Variants in UBAP2L observed in about 807,000 individuals in gnomAD.
UBAP2L encodes the protein ubiquitin-associated protein 2-like.
UBAP2L carries 12 observed loss-of-function variants against 130.6 expected under a neutral mutation model. The observed-to-expected ratio is 0.09, with a 90% CI of 0.06 to 0.15. UBAP2L has a LOEUF of 0.15. Ranked by LOEUF, UBAP2L falls within the 10% of genes least tolerant of loss-of-function variation. The pLI is 1.00. For missense variants in UBAP2L, 965 were observed against 1,332.5 expected (o/e 0.72, Z 4.29); for synonymous variants, 503 against 524.7 (o/e 0.96, Z 0.57).
chr1:154,264,376 G>T (rs1429469267), intron 24 of UBAP2L, among the ~76,000 whole-genome samples: 2 of 152,178 alleles, frequency 1.3e-5, no homozygotes, highest in East Asian at 3.8e-4. Flanking sequence ...TTGGGGATAA[G>T]TAGGGGGTGT....
intron 22 of UBAP2L, 102 bp from the exon 23 acceptor site, chr1:154,260,780 ACTTTAATAGT>A: frequency 9.7e-7 from 1 of 1,032,750 alleles, no homozygotes; most frequent in South Asian, 1.6e-5. Context: ...AAGGAATTGA[ACTTTAATAGT>A]CTTTGAACAG....
chr1:154,258,336 C>T (rs976342530), intron 20 of UBAP2L, among the ~76,000 whole-genome samples: 3 of 152,104 alleles, frequency 2.0e-5, no homozygotes, highest in African/African-American at 7.2e-5. Context: ...GCTGGTCTGG[C>T]CTGGTTAGAG....
At chr1:154,270,052 T>C (rs971363337) in intron 26 of UBAP2L, 148 bp from the exon 27 acceptor site, 1 of 948,960 alleles carries the variant, frequency 1.1e-6, no homozygotes, top group Non-Finnish European at 1.5e-6. Flanking sequence ...CTTTAGCAGC[T>C]ATGCAGACCA....
At chr1:154,226,465 C>T (rs1030939460) in intron 2 of UBAP2L, among the ~76,000 whole-genome samples, 1 of 152,098 alleles carries the variant, frequency 6.6e-6, no homozygotes, top group African/African-American at 2.4e-5. Flanking sequence ...TTAGGACATC[C>T]CCCTTACGCA....
intron 4 of UBAP2L, among the ~76,000 whole-genome samples, chr1:154,229,796 T>G (rs1375053526): frequency 6.6e-6 from 1 of 152,210 alleles, no homozygotes; most frequent in Non-Finnish European, 1.5e-5. Flanking sequence ...TTTCATTTAT[T>G]GGGTCTTATA....
At chr1:154,259,866 T>A in intron 21 of UBAP2L, 82 bp from the exon 22 acceptor site, 3 of 1,408,094 alleles carry the variant, frequency 2.1e-6, no homozygotes, top group Non-Finnish European at 2.0e-6. Flanking sequence ...CACATTCTTC[T>A]GTTTTTTCCT....
At position 154,255,232 on chromosome 1, in the gene UBAP2L, T is replaced by C. The variant is rs1368792288; in HGVS notation, c.1990T>C (p.Ser664Pro). The change falls in exon 17 of 27, where the codon TCC becomes CCC. Residue 664 changes from serine to proline, a missense_variant. By Grantham distance (74) the Ser-to-Pro change is moderately conservative. Transcript: ENST00000428931. ...TCTCAATGAAACGGTATCTGCAGCT[T>C]CCTTACTGACGACAACCAATCAGCA... is the stretch of plus-strand genomic sequence containing the variant. ...PPLNETVSAASLLTTTNQHSS... is the reference protein window; with the variant it reads ...PPLNETVSAAPLLTTTNQHSS... 1 of 1,614,212 alleles carries C rather than the reference T, an allele frequency of 6.2e-7. No homozygotes were observed.
intron 16 of UBAP2L, 59 bp downstream of exon 16, chr1:154,254,949 G>A (rs1465315219): frequency 2.6e-6 from 4 of 1,559,996 alleles, no homozygotes; most frequent in Non-Finnish European, 3.5e-6. Context: ...TTAAAATGGT[G>A]ATAATCCATT....
Position 154,228,601 on chromosome 1 carries a change from T to C in UBAP2L, c.169-14T>C, listed in dbSNP as rs765153432. The C allele has an allele frequency of 3.1e-6, 5 of 1,606,228 alleles. No homozygotes were observed. The highest frequency in any genetic ancestry group is 3.4e-6 in the Non-Finnish European group (4 of 1,173,314). ...TAAGCCTGTTCATGATGGTTGCTGT[T>C]TTTTCTCTTTCAGTTGATTGATATT... On this transcript the variant is annotated splice_polypyrimidine_tract_variant and intron_variant, in intron 3 of 26. Coordinates refer to ENST00000428931, the MANE Select transcript of UBAP2L (RefSeq NM_014847.4).
chr1:154,246,399 C>G (rs766997752), intron 11 of UBAP2L, 24 bp downstream of exon 11: 1 of 1,595,534 alleles, frequency 6.3e-7, no homozygotes, highest in East Asian at 2.2e-5. Flanking sequence ...GTGGTTTATC[C>G]TAATCAAACC....
chr1:154,252,728 T>C (rs1678182697), intron 14 of UBAP2L, among the ~76,000 whole-genome samples: 1 of 151,614 alleles, frequency 6.6e-6, no homozygotes, highest in African/African-American at 2.4e-5. Flanking sequence ...CCCAGCTAAT[T>C]TTGTATTTTT....
intron 4 of UBAP2L, among the ~76,000 whole-genome samples, chr1:154,230,727 T>A (rs1054495558): frequency 6.6e-6 from 1 of 152,264 alleles, no homozygotes; most frequent in Non-Finnish European, 1.5e-5. Flanking sequence ...TATAGGTTTA[T>A]GTTACGAATA....
intron 26 of UBAP2L, chr1:154,269,200 T>G: frequency 1.2e-6 from 1 of 816,162 alleles, no homozygotes; most frequent in South Asian, 1.7e-5. Flanking sequence ...CTTCTCCTCC[T>G]GTGCCACAGT....
At chr1:154,243,055 T>C (rs1384716295) in intron 9 of UBAP2L, 162 bp from the exon 10 acceptor site, 1 of 582,346 alleles carries the variant, frequency 1.7e-6, no homozygotes. Flanking sequence ...TGAGCATATA[T>C]TGAAGGGCTT....
intron 11 of UBAP2L, among the ~76,000 whole-genome samples, chr1:154,246,775 A>G (rs1675659338): frequency 6.6e-6 from 1 of 152,144 alleles, no homozygotes; most frequent in Non-Finnish European, 1.5e-5. Flanking sequence ...TTGTATATTT[A>G]CTTAAACCAG....
intron 14 of UBAP2L, 130 bp from the exon 15 acceptor site, chr1:154,253,770 T>C: frequency 1.1e-6 from 1 of 893,784 alleles, no homozygotes; most frequent in Non-Finnish European, 1.7e-6. Context: ...TAGATTCTTC[T>C]ATTTGTTGCT....
intron 25 of UBAP2L, among the ~76,000 whole-genome samples, chr1:154,267,609 C>A (rs1683660370): frequency 6.6e-6 from 1 of 151,216 alleles, no homozygotes; most frequent in Admixed American, 6.6e-5. Context: ...GTGTACACCA[C>A]CAGGCCTGCC....
In UBAP2L at chr1:154,241,496, T is replaced by G. The variant is rs1673624279; in HGVS notation, c.704-17T>G. Reference sequence around the variant, plus strand: ...ATTTAATAGTGAAGTTACTTCACTATTTTTCTTTATTCTCAGGTGCATGGA... The same window carrying G: ...ATTTAATAGTGAAGTTACTTCACTAGTTTTCTTTATTCTCAGGTGCATGGA... On this transcript the variant is annotated splice_polypyrimidine_tract_variant and intron_variant, in intron 8 of 26. Transcript: ENST00000428931. 3 of 1,612,920 alleles carry G rather than the reference T, an allele frequency of 1.9e-6. No individual in the cohort carries two copies. The highest frequency in any genetic ancestry group is 1.3e-5 in the African/African-American group (1 of 74,874).
intron 8 of UBAP2L, among the ~76,000 whole-genome samples, chr1:154,239,488 A>G (rs989480091): frequency 1.3e-5 from 2 of 152,088 alleles, no homozygotes; most frequent in African/African-American, 4.8e-5. Flanking sequence ...CATTTAATGA[A>G]TATTTGACAG....
Sources: gnomAD v4.1 joint callset for allele counts (sites outside exome capture counted in the v4.1 genomes callset) on GRCh38, gnomAD v4.1.1 for gene constraint, MANE v1.5 for transcripts, NCBI Gene and HGNC (gene_info 2026-07-23, HGNC 2026-07-21) for gene names.